The following GALNTL6 variants were observed in gnomAD, a reference collection of about 807,000 sequenced individuals.
GALNTL6 encodes the protein polypeptide N-acetylgalactosaminyltransferase-like 6.
In GALNTL6, 46 loss-of-function variants were observed where a neutral mutation model predicts 73.7. That is an observed-to-expected ratio of 0.62 (90% CI 0.49 to 0.80). The LOEUF (loss-of-function observed/expected upper bound fraction) is 0.80. GALNTL6 is among the 30% of genes least tolerant of loss of function. GALNTL6 has a pLI of 0.00. For synonymous variants in GALNTL6, 259 were observed against 263.7 expected (o/e 0.98, Z 0.17); for missense variants, 604 against 755.0 (o/e 0.80, Z 2.34).
At chr4:172,647,466 C>T (rs765473518) in intron 5 of GALNTL6, among the ~76,000 whole-genome samples, 1 of 152,028 alleles carries the variant, frequency 6.6e-6, no homozygotes, top group Non-Finnish European at 1.5e-5. Flanking sequence ...AGTAAAGGTA[C>T]ATAAACCTTT....
chr4:172,052,371 T>G (rs1456047268), intron 2 of GALNTL6: 3 of 1,127,586 alleles, frequency 2.7e-6, no homozygotes, highest in Non-Finnish European at 3.8e-6. Context: ...TGAAGACCTA[T>G]GCACACCTTC....
At chr4:172,928,976 G>A (rs1561039096) in intron 8 of GALNTL6, among the ~76,000 whole-genome samples, 3 of 152,176 alleles carry the variant, frequency 2.0e-5, no homozygotes, top group Middle Eastern at 3.2e-3. Flanking sequence ...TTCCTGCTGT[G>A]GAAGAGTTGA....
intron 2 of GALNTL6, among the ~76,000 whole-genome samples, chr4:172,013,912 C>A (rs10024618): frequency 6.8e-6 from 1 of 147,588 alleles, no homozygotes; most frequent in Non-Finnish European, 1.5e-5. Flanking sequence ...CTACTCTATA[C>A]CTCCATGAGT....
chr4:172,482,734 T>A (rs1390785761), intron 5 of GALNTL6, among the ~76,000 whole-genome samples: 1 of 152,238 alleles, frequency 6.6e-6, no homozygotes, highest in Non-Finnish European at 1.5e-5. Flanking sequence ...GAAATACTTC[T>A]TTATTTGGCA....
chr4:171,854,605 A>C (rs4602464), intron 2 of GALNTL6, among the ~76,000 whole-genome samples: 95,549 of 151,942 alleles, frequency 0.63, 30,311 homozygotes, highest in Non-Finnish European at 0.67. Flanking sequence ...AGCATGGACT[A>C]GATTACATAT....
chr4:171,916,032 A>C (rs549639320), intron 2 of GALNTL6, among the ~76,000 whole-genome samples: 21 of 152,156 alleles, frequency 1.4e-4, no homozygotes, highest in Non-Finnish European at 2.6e-4. Context: ...TATGCTAGAC[A>C]AAGAAACATA....
intron 3 of GALNTL6, among the ~76,000 whole-genome samples, chr4:172,265,854 A>G (rs1738434581): frequency 6.6e-6 from 1 of 152,090 alleles, no homozygotes; most frequent in East Asian, 1.9e-4. Context: ...ATATTAGAGT[A>G]TATTGGAGAC....
intron 3 of GALNTL6, among the ~76,000 whole-genome samples, chr4:172,288,506 T>C (rs1405694684): frequency 1.3e-5 from 2 of 152,184 alleles, no homozygotes; most frequent in African/African-American, 4.8e-5. Context: ...AGATAAAAGA[T>C]AAGAGATCCA....
At chr4:172,091,260 C>G (rs567841935) in intron 2 of GALNTL6, among the ~76,000 whole-genome samples, 2 of 152,228 alleles carry the variant, frequency 1.3e-5, no homozygotes, top group African/African-American at 4.8e-5. Flanking sequence ...CATATAGAGT[C>G]TTTTTAAGCT....
chr4:172,167,772 C>T (rs1324689965), intron 2 of GALNTL6, among the ~76,000 whole-genome samples: 1 of 147,202 alleles, frequency 6.8e-6, no homozygotes. Flanking sequence ...TCCTGGCTAA[C>T]AAGGTGAAAC....
chr4:172,772,789 G>A (rs893635311), intron 5 of GALNTL6, among the ~76,000 whole-genome samples: 1 of 152,120 alleles, frequency 6.6e-6, no homozygotes, highest in Non-Finnish European at 1.5e-5. Context: ...CAGCAAGAGG[G>A]ACTTTGTGGA....
intron 5 of GALNTL6, among the ~76,000 whole-genome samples, chr4:172,716,812 C>T (rs995273178): frequency 1.3e-5 from 2 of 152,168 alleles, no homozygotes; most frequent in South Asian, 2.1e-4. Context: ...AGTCTAAGTC[C>T]GCCTAAGTCT....
chr4:172,933,762 A>G (rs1181530357), intron 9 of GALNTL6, among the ~76,000 whole-genome samples: 1 of 152,214 alleles, frequency 6.6e-6, no homozygotes, highest in African/African-American at 2.4e-5. Context: ...GAGACTTTAT[A>G]TATACTTCAA....
intron 5 of GALNTL6, among the ~76,000 whole-genome samples, chr4:172,797,073 G>T (rs1740313337): frequency 6.6e-6 from 1 of 151,902 alleles, no homozygotes; most frequent in Admixed American, 6.6e-5. Flanking sequence ...CCATTATTTG[G>T]ATAAATTCTT....
intron 2 of GALNTL6, among the ~76,000 whole-genome samples, chr4:172,220,429 G>C (rs1485654847): frequency 6.6e-6 from 1 of 151,692 alleles, no homozygotes; most frequent in Non-Finnish European, 1.5e-5. Context: ...ATGGTGGATT[G>C]AATAAAATTA....
intron 2 of GALNTL6, among the ~76,000 whole-genome samples, chr4:171,990,144 A>G (rs549919760): frequency 1.3e-5 from 2 of 152,168 alleles, no homozygotes; most frequent in Non-Finnish European, 2.9e-5. Flanking sequence ...AACATTATCT[A>G]CATTGAATTT....
chr4:172,182,400 C>T (rs1735276310), intron 2 of GALNTL6, among the ~76,000 whole-genome samples: 1 of 152,064 alleles, frequency 6.6e-6, no homozygotes, highest in Admixed American at 6.6e-5. Context: ...TTGTAAGCTG[C>T]TTCAACTTAA....
intron 2 of GALNTL6, among the ~76,000 whole-genome samples, chr4:171,960,276 T>C (rs1410432476): frequency 1.3e-5 from 2 of 152,116 alleles, no homozygotes; most frequent in African/African-American, 4.8e-5. Flanking sequence ...GCTTTTCTTT[T>C]TTTCTCTTAT....
chr4:172,118,435 C>G (rs1315471387), intron 2 of GALNTL6, among the ~76,000 whole-genome samples: 1 of 152,090 alleles, frequency 6.6e-6, no homozygotes, highest in Non-Finnish European at 1.5e-5. Flanking sequence ...TGCAGTGGCT[C>G]ACACCTGTAA....
Sources: allele counts gnomAD v4.1 joint callset (sites outside exome capture counted in the v4.1 genomes callset), GRCh38; gene constraint gnomAD v4.1.1; transcripts MANE v1.5; gene names NCBI Gene and HGNC (gene_info 2026-07-23, HGNC 2026-07-21).